CDH9: variants seen among roughly 807,000 people sequenced by gnomAD.
CDH9 encodes the protein cadherin 9.
In CDH9, 28 loss-of-function variants were observed where a neutral mutation model predicts 70.9. That is an observed-to-expected ratio of 0.40 (90% CI 0.29 to 0.54). The LOEUF (loss-of-function observed/expected upper bound fraction) is 0.54. Among genes scored for constraint, CDH9 ranks in the 20% least tolerant of loss-of-function variants. CDH9 has a pLI of 0.59. For missense variants in CDH9, 874 were observed against 984.4 expected (o/e 0.89, Z 1.50); for synonymous variants, 409 against 343.1 (o/e 1.19, Z -2.12).
intron 1 of CDH9, among the ~76,000 whole-genome samples, chr5:27,009,351 T>C (rs1404727907): frequency 6.6e-6 from 1 of 152,110 alleles, no homozygotes; most frequent in East Asian, 1.9e-4. Context: ...CCACATGCGA[T>C]AAACAGTGGT....
intron 2 of CDH9, among the ~76,000 whole-genome samples, chr5:26,941,357 C>T (rs1484469522): frequency 6.6e-6 from 1 of 152,184 alleles, no homozygotes; most frequent in Non-Finnish European, 1.5e-5. Flanking sequence ...CTTCCAGACT[C>T]TTTGAAACCA....
At chr5:26,884,920 A>G (rs866046720) in intron 11 of CDH9, among the ~76,000 whole-genome samples, 8 of 152,314 alleles carry the variant, frequency 5.3e-5, no homozygotes, top group South Asian at 2.1e-4. Flanking sequence ...CTTTATTTAG[A>G]AAATATTGCA....
chr5:26,900,234 T>C (rs1053378580), intron 7 of CDH9, among the ~76,000 whole-genome samples: 1 of 151,998 alleles, frequency 6.6e-6, no homozygotes, highest in Non-Finnish European at 1.5e-5. Context: ...CAGCCCCAAA[T>C]ATTGTCATTT....
intron 2 of CDH9, among the ~76,000 whole-genome samples, chr5:26,927,981 C>T (rs1253610206): frequency 6.6e-6 from 1 of 152,032 alleles, no homozygotes; most frequent in Non-Finnish European, 1.5e-5. Context: ...AAACAGTTGA[C>T]TCTGTCAAAA....
chr5:26,993,497 G>A (rs188569418), intron 1 of CDH9, among the ~76,000 whole-genome samples: 1 of 152,108 alleles, frequency 6.6e-6, no homozygotes, highest in East Asian at 1.9e-4. Flanking sequence ...AAATGAGAAA[G>A]TATTTGAGAG....
chr5:26,900,096 C>A (rs903675549), intron 7 of CDH9, among the ~76,000 whole-genome samples: 4 of 151,854 alleles, frequency 2.6e-5, no homozygotes, highest in Non-Finnish European at 4.4e-5. Flanking sequence ...ATGAGATTTA[C>A]AAATTCCCTG....
intron 2 of CDH9, among the ~76,000 whole-genome samples, chr5:26,946,636 AT>A (rs1741758826): frequency 6.6e-6 from 1 of 152,142 alleles, no homozygotes; most frequent in Non-Finnish European, 1.5e-5. Flanking sequence ...GAAGAAAGTA[AT>A]TTTTAAAAGG....
Position 26,996,556 on chromosome 5 carries a change from T to C in CDH9, c.-49-8174A>G, listed in dbSNP as rs1027066204. 3.9e-5 allele frequency among the ~76,000 whole-genome samples: 6 copies of C among 152,122 alleles called. No individual in the cohort carries two copies. In the East Asian group the frequency reaches 1.2e-3, roughly 29 times the overall value. ...ATATATAAAGAACACATTCTATAAA[T>C]ATAAGTGACACCAAAATGATGTATC... On this transcript the variant is annotated intron_variant, in intron 1 of 11. Transcript: ENST00000231021.
intron 1 of CDH9, among the ~76,000 whole-genome samples, chr5:27,031,723 C>T (rs1579523864): frequency 6.6e-6 from 1 of 151,846 alleles, no homozygotes; most frequent in East Asian, 1.9e-4. Context: ...AGCAAAAGGT[C>T]TACAATGGCA....
At chr5:26,938,506 G>C (rs1049794151) in intron 2 of CDH9, among the ~76,000 whole-genome samples, 2 of 151,812 alleles carry the variant, frequency 1.3e-5, no homozygotes, top group Non-Finnish European at 2.9e-5. Context: ...TTTAAAAATC[G>C]GGTGTGCAAA....
At chr5:26,897,575 T>G (rs1266153880) in intron 7 of CDH9, among the ~76,000 whole-genome samples, 3 of 152,304 alleles carry the variant, frequency 2.0e-5, no homozygotes, top group Admixed American at 6.5e-5. Flanking sequence ...AACCACATGA[T>G]TATCTCAATA....
intron 1 of CDH9, among the ~76,000 whole-genome samples, chr5:27,019,782 A>G (rs888632868): frequency 1.4e-4 from 22 of 151,944 alleles, no homozygotes; most frequent in Non-Finnish European, 3.2e-4. Flanking sequence ...CAATAATCTT[A>G]TATATCCTTT....
intron 2 of CDH9, among the ~76,000 whole-genome samples, chr5:26,952,475 A>C (rs1579472611): frequency 7.3e-6 from 1 of 136,556 alleles, no homozygotes; most frequent in Non-Finnish European, 1.6e-5. Context: ...AAAAAAAAAA[A>C]AAAAAAAAAA....
rs182063155 is a variant in CDH9, at chr5:26,885,165, T to C, written c.1882+449A>G. Among the ~76,000 whole-genome samples the C allele has an allele frequency of 1.3e-3, 192 of 152,272 alleles. 1 individual carries two copies. The highest frequency in any genetic ancestry group is 2.1e-3 in the Admixed American group (32 of 15,276). Reference sequence around the variant, plus strand: ...AAAGTAGTCTTTGGTTTGGGAATAATAGAAAGGAGAACTCTATGGTAGAGT... The same window carrying C: ...AAAGTAGTCTTTGGTTTGGGAATAACAGAAAGGAGAACTCTATGGTAGAGT... On this transcript the variant is annotated intron_variant, in intron 11 of 11. Transcript: ENST00000231021.
At chr5:26,904,212 T>G (rs527455306) in intron 5 of CDH9, among the ~76,000 whole-genome samples, 1 of 152,030 alleles carries the variant, frequency 6.6e-6, no homozygotes, top group African/African-American at 2.4e-5. Flanking sequence ...TTATTTTTTT[T>G]AAAATGCATT....
rs559065419 is a variant in CDH9, at chr5:26,938,819, T to C, written c.229-22895A>G. On this transcript the variant is annotated intron_variant, in intron 2 of 11. Coordinates refer to ENST00000231021, the MANE Select transcript of CDH9 (RefSeq NM_016279.4). ...TCAGCAACTTGTATGTTCTGAAATATATTATATCAACTACAAAAGTCAAAT... is the reference window on the plus strand; with the variant it reads ...TCAGCAACTTGTATGTTCTGAAATACATTATATCAACTACAAAAGTCAAAT... Among the ~76,000 whole-genome samples the C allele has an allele frequency of 3.3e-5, 5 of 152,204 alleles. No homozygotes were observed. The East Asian group carries it at 5.8e-4, about 18-fold the overall frequency.
chr5:26,956,665 C>T (rs1741951972), intron 2 of CDH9, among the ~76,000 whole-genome samples: 2 of 152,174 alleles, frequency 1.3e-5, no homozygotes, highest in Non-Finnish European at 2.9e-5. Flanking sequence ...CACAGGCTTT[C>T]TGCTTTCCAC....
At chr5:26,948,879 C>T (rs1741798268) in intron 2 of CDH9, among the ~76,000 whole-genome samples, 1 of 152,128 alleles carries the variant, frequency 6.6e-6, no homozygotes, top group African/African-American at 2.4e-5. Context: ...GCAATCTTCA[C>T]TGGAATGATT....
intron 2 of CDH9, among the ~76,000 whole-genome samples, chr5:26,981,052 GT>G (rs1192714415): frequency 6.6e-6 from 1 of 151,990 alleles, no homozygotes; most frequent in Non-Finnish European, 1.5e-5. Context: ...CGGTACATTG[GT>G]TTTTTGTTGG....
Sources: allele counts gnomAD v4.1 joint callset (sites outside exome capture counted in the v4.1 genomes callset), GRCh38; gene constraint gnomAD v4.1.1; transcripts MANE v1.5; gene names NCBI Gene and HGNC (gene_info 2026-07-23, HGNC 2026-07-21).